EXT1: variants seen among roughly 807,000 people sequenced by gnomAD.
EXT1 encodes the protein exostosin-1.
In EXT1, 20 loss-of-function variants were observed where a neutral mutation model predicts 82.5. The observed-to-expected ratio is 0.24, with a 90% CI of 0.17 to 0.35. The LOEUF is 0.35. EXT1 is among the 10% of genes least tolerant of loss of function. The probability of loss-of-function intolerance (pLI) is 1.00; values close to 1 mark genes in which losing one functional copy is unlikely to be tolerated. For synonymous variants in EXT1, 348 were observed against 350.8 expected (o/e 0.99, Z 0.09); for missense variants, 757 against 936.5 (o/e 0.81, Z 2.50).
intron 4 of EXT1, among the ~76,000 whole-genome samples, chr8:117,823,841 T>C (rs375036325): frequency 2.2e-4 from 34 of 152,192 alleles, no homozygotes; most frequent in African/African-American, 7.7e-4. Flanking sequence ...TAATTTTATA[T>C]GGCTGGATAG....
At chr8:118,091,387 G>GATAT (rs1293826992) in intron 1 of EXT1, among the ~76,000 whole-genome samples, 3 of 152,152 alleles carry the variant, frequency 2.0e-5, no homozygotes, top group Non-Finnish European at 4.4e-5. Context: ...TAGAGATATG[G>GATAT]ATATATACCT....
In EXT1 at chr8:117,837,189, C is replaced by T; in HGVS notation, c.975G>A (p.Arg325=). The change falls in exon 2 of 11, where the codon CGG becomes CGA. Residue 325 remains arginine, a synonymous_variant. Coordinates refer to ENST00000378204, the MANE Select transcript of EXT1 (RefSeq NM_000127.3). ...DNTEYEKYDY[R]EMLHNATFCL... ...AGAAAGTGGCATTGTGCAGCATTTC[C>T]CGATAATCATACCTAGAAAGAGAAG... 6.2e-7 allele frequency: 1 copy of T among 1,613,516 alleles called. No homozygotes were observed. The highest frequency in any genetic ancestry group is 8.5e-7 in the Non-Finnish European group (1 of 1,179,622).
At chr8:117,933,577 A>G (rs1814102551) in intron 1 of EXT1, among the ~76,000 whole-genome samples, 1 of 152,138 alleles carries the variant, frequency 6.6e-6, no homozygotes, top group African/African-American at 2.4e-5. Context: ...TATGGCAGAG[A>G]TTTGATTGGC....
chr8:117,909,647 G>C (rs1396778801), intron 1 of EXT1, among the ~76,000 whole-genome samples: 1 of 152,166 alleles, frequency 6.6e-6, no homozygotes, highest in Non-Finnish European at 1.5e-5. Flanking sequence ...AGTTTGAAAA[G>C]AAACAAAATC....
At chr8:117,951,199 A>G (rs1814484792) in intron 1 of EXT1, among the ~76,000 whole-genome samples, 1 of 152,206 alleles carries the variant, frequency 6.6e-6, no homozygotes, top group Non-Finnish European at 1.5e-5. Context: ...AAGAACAGAA[A>G]TAACTTGGCA....
intron 10 of EXT1, among the ~76,000 whole-genome samples, chr8:117,803,551 A>T (rs968678687): frequency 6.6e-6 from 1 of 152,140 alleles, no homozygotes; most frequent in Non-Finnish European, 1.5e-5. Context: ...GAATAAAGAT[A>T]GATGAAATTC....
chr8:117,995,400 T>C (rs1292440385), intron 1 of EXT1, among the ~76,000 whole-genome samples: 1 of 152,184 alleles, frequency 6.6e-6, no homozygotes. Context: ...CTGTAATTCA[T>C]CAATGATATC....
chr8:118,031,164 T>A (rs769763103), intron 1 of EXT1, among the ~76,000 whole-genome samples: 1 of 152,124 alleles, frequency 6.6e-6, no homozygotes, highest in Non-Finnish European at 1.5e-5. Flanking sequence ...CTAAGTGCCA[T>A]TGAGTAAGAA....
At chr8:117,871,294 T>C (rs1394137419) in intron 1 of EXT1, among the ~76,000 whole-genome samples, 1 of 152,164 alleles carries the variant, frequency 6.6e-6, no homozygotes, top group Non-Finnish European at 1.5e-5. Context: ...AAGACAAAAA[T>C]GCAGTACTGT....
At chr8:117,837,473 GC>G (rs984640704) in intron 1 of EXT1, among the ~76,000 whole-genome samples, 15 of 152,124 alleles carry the variant, frequency 9.9e-5, no homozygotes, top group Non-Finnish European at 1.9e-4. Flanking sequence ...AATTTGGTTT[GC>G]CCAGTCTTTG....
At chr8:117,909,024 C>A (rs11776458) in intron 1 of EXT1, among the ~76,000 whole-genome samples, 112 of 151,594 alleles carry the variant, frequency 7.4e-4, no homozygotes, top group African/African-American at 2.5e-3. Context: ...CCCAGCTACT[C>A]GGAAGGCTGA....
intron 1 of EXT1, among the ~76,000 whole-genome samples, chr8:118,001,223 G>A (rs1466574967): frequency 6.6e-6 from 1 of 152,160 alleles, no homozygotes; most frequent in African/African-American, 2.4e-5. Flanking sequence ...GTCTCGCTCT[G>A]TCGCTCAGGC....
intron 1 of EXT1, among the ~76,000 whole-genome samples, chr8:118,071,895 TCC>T (rs17477000): frequency 6.6e-6 from 1 of 151,974 alleles, no homozygotes; most frequent in Non-Finnish European, 1.5e-5. Context: ...CAGCATCCTG[TCC>T]CATTTTACAA....
rs766089074 is a variant in EXT1 at position 117,795,264 on chromosome 8, C to A, written c.*4448G>T. 3.9e-5 allele frequency: 6 copies of A among 152,124 alleles called. No homozygotes were observed. The highest frequency in any genetic ancestry group is 7.3e-5 in the Non-Finnish European group (5 of 68,030). The allele number at this position is 152,124 out of a possible 1,614,324, so 9.4% of individuals were successfully genotyped here. The stretch of plus-strand genomic sequence containing the variant: ...GTTCCTGATATAAAATGTATTGGAA[C>A]TCTAGACCAGTGACAACTACAATCC... On this transcript the variant is annotated 3_prime_UTR_variant, in exon 11 of 11. Transcript: ENST00000378204.
intron 1 of EXT1, among the ~76,000 whole-genome samples, chr8:117,892,516 T>C (rs1213185368): frequency 6.6e-6 from 1 of 152,158 alleles, no homozygotes; most frequent in African/African-American, 2.4e-5. Flanking sequence ...TACAGAACCC[T>C]GTATGTCACA....
intron 1 of EXT1, among the ~76,000 whole-genome samples, chr8:118,104,204 T>C (rs1304123430): frequency 6.6e-6 from 1 of 152,214 alleles, no homozygotes; most frequent in Non-Finnish European, 1.5e-5. Flanking sequence ...TAAAAGTAAA[T>C]TCAAATAACA....
At chr8:117,974,871 G>C (rs769201187) in intron 1 of EXT1, among the ~76,000 whole-genome samples, 3 of 152,076 alleles carry the variant, frequency 2.0e-5, no homozygotes, top group Non-Finnish European at 4.4e-5. Flanking sequence ...CATATCCTAA[G>C]ACAACTAATG....
intron 1 of EXT1, among the ~76,000 whole-genome samples, chr8:117,979,378 AC>A (rs201451557): frequency 0.034 from 2,890 of 84,016 alleles, 37 homozygotes; most frequent in Middle Eastern, 0.067. Flanking sequence ...AAACAAACAA[AC>A]AAAAAAACAA....
intron 1 of EXT1, among the ~76,000 whole-genome samples, chr8:117,900,856 T>C (rs9656923): frequency 0.31 from 46,501 of 152,156 alleles, 7,440 homozygotes; most frequent in East Asian, 0.37. Context: ...CTACCATTTA[T>C]TGGTACTTCT....
Sources: allele counts gnomAD v4.1 joint callset (sites outside exome capture counted in the v4.1 genomes callset), GRCh38; gene constraint gnomAD v4.1.1; transcripts MANE v1.5; gene names NCBI Gene and HGNC (gene_info 2026-07-23, HGNC 2026-07-21).